Variants in CHST13 observed in about 807,000 individuals in gnomAD.
CHST13 encodes C4ST-3.
CHST13 carries 1 observed loss-of-function variant against 7.0 expected under a neutral mutation model. The ratio of observed to expected loss-of-function variants is 0.14; its 90% CI spans 0.05 to 0.68. The LOEUF (loss-of-function observed/expected upper bound fraction) is 0.68, where lower values mean the gene tolerates loss of function less well. Among genes scored for constraint, CHST13 ranks in the 30% least tolerant of loss-of-function variants. The pLI is 0.82. For missense variants in CHST13, 572 were observed against 507.9 expected (o/e 1.13, Z -1.21); for synonymous variants, 257 against 240.9 (o/e 1.07, Z -0.62).
chr3:126,530,033 GC>G (rs35017523), intron 1 of CHST13, among the ~76,000 whole-genome samples: 2 of 152,216 alleles, frequency 1.3e-5, no homozygotes, highest in Non-Finnish European at 2.9e-5. Context: ...GGGGGTGGAT[GC>G]CCCAGTGTGG....
intron 1 of CHST13, among the ~76,000 whole-genome samples, chr3:126,525,359 G>C (rs1447612108): frequency 1.3e-5 from 2 of 152,170 alleles, no homozygotes; most frequent in African/African-American, 4.8e-5. Flanking sequence ...TTGGGCAGTG[G>C]GGGTGGGAGT....
intron 1 of CHST13, among the ~76,000 whole-genome samples, chr3:126,531,606 T>A (rs1936661547): frequency 6.6e-6 from 1 of 152,242 alleles, no homozygotes; most frequent in Admixed American, 6.5e-5. Context: ...TAACATAACG[T>A]TTACAAGGTT....
intron 1 of CHST13, among the ~76,000 whole-genome samples, chr3:126,525,883 A>T (rs891645411): frequency 6.6e-6 from 1 of 152,148 alleles, no homozygotes; most frequent in African/African-American, 2.4e-5. Context: ...CCAAGGTACT[A>T]GTCACCTTCT....
At chr3:126,524,799 C>G (rs567274004) in intron 1 of CHST13, among the ~76,000 whole-genome samples, 1 of 152,308 alleles carries the variant, frequency 6.6e-6, no homozygotes, top group South Asian at 2.1e-4. Flanking sequence ...GACATGAGCG[C>G]TGCTGGGCGC....
At chr3:126,526,826 A>G (rs1018424482) in intron 1 of CHST13, among the ~76,000 whole-genome samples, 2 of 152,152 alleles carry the variant, frequency 1.3e-5, no homozygotes, top group African/African-American at 4.8e-5. Context: ...GCAGCTCCCA[A>G]TGGCAGACCC....
At position 126,524,383 on chromosome 3, in the gene CHST13, C is replaced by T; in HGVS notation, c.51C>T (p.Gly17=). ...GCGTGCTGGCGGCCGCCTGTCTGGG[C>T]GCCGCGCTCCTGCTCCTATGCGCCG... The part of the protein sequence containing the change: ...RRRVLAAACL[G]AALLLLCAAP... The change falls in exon 1 of 3, where the codon GGC becomes GGT. Residue 17 remains glycine, a synonymous_variant. Coordinates refer to ENST00000319340, the MANE Select transcript of CHST13 (RefSeq NM_152889.3). 8.1e-7 allele frequency: 1 copy of T among 1,235,680 alleles called. No individual in the cohort carries two copies. The highest frequency in any genetic ancestry group is 1.0e-6 in the Non-Finnish European group (1 of 988,812). The allele number at this position is 1,235,680 out of a possible 1,614,324, so 76.5% of individuals were successfully genotyped here. A position where few individuals can be genotyped will look rare whatever the true frequency, so the allele number is the denominator to read the frequency against.
At chr3:126,532,304 G>A (rs1936675985) in intron 1 of CHST13, among the ~76,000 whole-genome samples, 1 of 152,144 alleles carries the variant, frequency 6.6e-6, no homozygotes, top group Middle Eastern at 3.2e-3. Flanking sequence ...AAATTTTGTT[G>A]TTTTGTGCTT....
intron 1 of CHST13, among the ~76,000 whole-genome samples, chr3:126,533,918 A>AT (rs1325073442): frequency 6.6e-6 from 1 of 151,856 alleles, no homozygotes; most frequent in Admixed American, 6.6e-5. Flanking sequence ...GTCTGCTGAG[A>AT]TTTTATATTT....
chr3:126,532,975 T>C (rs576180761), intron 1 of CHST13, among the ~76,000 whole-genome samples: 100 of 152,356 alleles, frequency 6.6e-4, no homozygotes, highest in Non-Finnish European at 8.2e-4. Flanking sequence ...ACAGGTCTTA[T>C]ACTTCCTTTG....
chr3:126,534,564 C>T (rs1936723914), intron 1 of CHST13, among the ~76,000 whole-genome samples: 1 of 151,728 alleles, frequency 6.6e-6, no homozygotes, highest in Non-Finnish European at 1.5e-5. Context: ...CTGTCCTCAG[C>T]CAGGAGAGAG....
At position 126,542,531 on chromosome 3, in the gene CHST13, T is replaced by C; in HGVS notation, c.979T>C (p.Phe327Leu). Residue 327 changes from phenylalanine (F) to leucine (L), a missense_variant, in exon 3 of 3, where the codon TTC becomes CTC. Physicochemically the swap from Phe to Leu is conservative, Grantham distance 22. Transcript: ENST00000319340. ...CCTCTTCGACCTCTACAAGATGGAC[T>C]TCCTGCTTTTCAACTACTCCGCCCC... ...RRLFDLYKMDFLLFNYSAPSY... is the reference protein window; with the variant it reads ...RRLFDLYKMDLLLFNYSAPSY... 1 of 1,535,924 alleles carries C rather than the reference T, an allele frequency of 6.5e-7. No individual in the cohort carries two copies. The highest frequency in any genetic ancestry group is 8.7e-7 in the Non-Finnish European group (1 of 1,147,428).
In CHST13 at chr3:126,537,119, A is replaced by C. The variant is rs1418943782; in HGVS notation, c.180+766A>C. Among the ~76,000 whole-genome samples the C allele has an allele frequency of 2.6e-5, 4 of 152,060 alleles. No homozygotes were observed. The East Asian group carries it at 7.7e-4, about 29-fold the overall frequency. On this transcript the variant is annotated intron_variant, in intron 2 of 2. Coordinates refer to ENST00000319340, the MANE Select transcript of CHST13 (RefSeq NM_152889.3). Reference sequence around the variant, plus strand: ...CTTAACTAATTCTGCTCTAAAGGGGAGTATGAGGTGCAACAAGAGCTCTCC... The same window carrying C: ...CTTAACTAATTCTGCTCTAAAGGGGCGTATGAGGTGCAACAAGAGCTCTCC...
intron 2 of CHST13, among the ~76,000 whole-genome samples, 155 bp downstream of exon 2, chr3:126,536,508 A>C (rs1936793944): frequency 6.6e-6 from 1 of 152,134 alleles, no homozygotes; most frequent in Admixed American, 6.5e-5. Context: ...GAGCAGTGAC[A>C]AGGGCAAATC....
At chr3:126,525,009 G>A (rs1936509354) in intron 1 of CHST13, among the ~76,000 whole-genome samples, 1 of 152,110 alleles carries the variant, frequency 6.6e-6, no homozygotes, top group African/African-American at 2.4e-5. Context: ...GGGCTCCACC[G>A]GTGCTGAGTC....
chr3:126,540,555 G>A (rs1003177528), intron 2 of CHST13, among the ~76,000 whole-genome samples: 5 of 152,230 alleles, frequency 3.3e-5, no homozygotes, highest in Non-Finnish European at 5.9e-5. Flanking sequence ...GTGGCAGCAT[G>A]TGTCAGCACC....
intron 1 of CHST13, among the ~76,000 whole-genome samples, chr3:126,533,584 T>C (rs763388017): frequency 3.9e-5 from 6 of 152,236 alleles, no homozygotes; most frequent in Admixed American, 2.6e-4. Flanking sequence ...TACTTGGTCA[T>C]GGTGTATAAA....
chr3:126,540,951 C>T (rs1936944777), intron 2 of CHST13, among the ~76,000 whole-genome samples: 1 of 152,120 alleles, frequency 6.6e-6, no homozygotes, highest in Admixed American at 6.5e-5. Context: ...AACTCTTACA[C>T]AAAAAATCAT....
Position 126,542,589 on chromosome 3 carries a change from G to A in CHST13, c.*11G>A. 6.8e-7 allele frequency: 1 copy of A among 1,465,076 alleles called. No individual in the cohort carries two copies. The allele number at this position is 1,465,076 out of a possible 1,614,324, so 90.8% of individuals were successfully genotyped here. ...CTGCGGCTGCTCTAGCGGTCCTGGA[G>A]GTCCTGTGGCCACGCGGGGCAAGTG... On this transcript the variant is annotated 3_prime_UTR_variant, in exon 3 of 3. Coordinates refer to ENST00000319340, the MANE Select transcript of CHST13 (RefSeq NM_152889.3).
intron 1 of CHST13, among the ~76,000 whole-genome samples, chr3:126,534,986 CA>C (rs1315181265): frequency 2.0e-5 from 3 of 148,954 alleles, no homozygotes; most frequent in African/African-American, 7.5e-5. Context: ...TCCCTGTCCC[CA>C]GCCGGGAGAC....
Sources: gnomAD v4.1 joint callset for allele counts (sites outside exome capture counted in the v4.1 genomes callset) on GRCh38, gnomAD v4.1.1 for gene constraint, MANE v1.5 for transcripts, NCBI Gene and HGNC (gene_info 2026-07-23, HGNC 2026-07-21) for gene names.